The following KLHL38 variants were observed in gnomAD, a reference collection of about 807,000 sequenced individuals.
KLHL38 encodes the protein kelch-like protein 38.
KLHL38 carries 38 observed loss-of-function variants against 39.6 expected under a neutral mutation model. That is an observed-to-expected ratio of 0.96 (90% CI 0.74 to 1.26). The LOEUF is 1.26. Ranked by LOEUF, KLHL38 falls within the 50% of genes most tolerant of loss-of-function variation. The pLI is 0.00. For synonymous variants in KLHL38, 322 were observed against 302.2 expected (o/e 1.07, Z -0.68); for missense variants, 803 against 748.1 (o/e 1.07, Z -0.86).
In KLHL38 at chr8:123,651,467, T is replaced by A. The variant is rs947955514; in HGVS notation, c.1350+110A>T. The A allele has an allele frequency of 3.2e-5, 35 of 1,107,152 alleles. 2 individuals carry two copies. The highest frequency in any genetic ancestry group is 2.9e-4 in the Admixed American group (12 of 40,902). The allele number at this position is 1,107,152 out of a possible 1,614,324, so 68.6% of individuals were successfully genotyped here. A position where few individuals can be genotyped will look rare whatever the true frequency, so the allele number is the denominator to read the frequency against. ...GCATATATATATTTATGTGCATATA[T>A]GTGTTTTTTGGTGTGTATGTATACA... is the stretch of plus-strand genomic sequence containing the variant. On this transcript the variant is annotated intron_variant, in intron 2 of 3. Transcript: ENST00000684634.
In KLHL38 at chr8:123,645,529, G is replaced by C; in HGVS notation, c.*210C>G. 1.7e-6 allele frequency: 1 copy of C among 587,818 alleles called. No homozygotes were observed. Among genetic ancestry groups the C allele is most frequent in the Non-Finnish European group, 3.0e-6 (1 of 331,204 alleles). 36.4% of individuals were successfully genotyped at this position (587,818 alleles called of 1,614,324 possible). On this transcript the variant is annotated 3_prime_UTR_variant, in exon 4 of 4. Coordinates refer to ENST00000684634, the MANE Select transcript of KLHL38 (RefSeq NM_001081675.3). ...GAAAGAAGGGGGAAAGACAGAGACA[G>C]ATGGAGGTGGGGGAGAGAGATAAGG...
Position 123,652,445 on chromosome 8 carries a change from G to A in KLHL38, c.482C>T (p.Thr161Met), listed in dbSNP as rs780056200. ...CGATGCGGCCACCTCTGGGAAGGAC[G>A]TCAGTGCCACCTCCCTGGCTTTCTT... ...LKKKAREVAL[T>M]SFPEVAASAD... is the part of the protein sequence containing the mutation. Residue 161 changes from threonine (T) to methionine (M), a missense_variant, in exon 2 of 4, where the codon ACG becomes ATG. Physicochemically the swap from Thr to Met is moderately conservative, Grantham distance 81. Coordinates refer to ENST00000684634, the MANE Select transcript of KLHL38 (RefSeq NM_001081675.3). 1.4e-5 allele frequency: 23 copies of A among 1,614,028 alleles called. No homozygotes were observed. Among genetic ancestry groups the A allele is most frequent in the Non-Finnish European group, 1.7e-5 (20 of 1,180,046 alleles).
rs1459870534 is a variant in KLHL38, at chr8:123,653,642, G to A, written c.-58C>T. On this transcript the variant is annotated 5_prime_UTR_variant, in exon 1 of 4. Transcript: ENST00000684634. ...CTGGTCTGACTTATCCCCCCGGAGA[G>A]TTTCTACCTCTAGCTCCAAGGGAAA... is the stretch of plus-strand genomic sequence containing the variant. Among the ~76,000 whole-genome samples, 3 of 152,216 alleles carry A rather than the reference G, an allele frequency of 2.0e-5. No homozygotes were observed. The highest frequency in any genetic ancestry group is 4.1e-4 in the South Asian group (2 of 4,834).
chr8:123,649,690 C>T (rs977758847), intron 2 of KLHL38, among the ~76,000 whole-genome samples: 1 of 152,166 alleles, frequency 6.6e-6, no homozygotes, highest in African/African-American at 2.4e-5. Flanking sequence ...ATATCCATCC[C>T]TCAAGAAGGT....
chr8:123,650,184 G>A (rs570284107), intron 2 of KLHL38, among the ~76,000 whole-genome samples: 3 of 151,822 alleles, frequency 2.0e-5, no homozygotes, highest in South Asian at 2.1e-4. Flanking sequence ...CTTAACCCTG[G>A]CACTCTCTCT....
At position 123,652,628 on chromosome 8, in the gene KLHL38, G is replaced by C; in HGVS notation, c.299C>G (p.Ala100Gly). The C allele has an allele frequency of 6.2e-7, 1 of 1,614,212 alleles. No homozygotes were observed. The highest frequency in any genetic ancestry group is 8.5e-7 in the Non-Finnish European group (1 of 1,180,030). Residue 100 changes from alanine (A) to glycine (G), a missense_variant, in exon 2 of 4, where the codon GCC becomes GGC. Ala to Gly is a moderately conservative substitution (Grantham distance 60). Transcript: ENST00000684634. ...SYVYTGEAHI[A>G]TDNVLPVMEA... Reference sequence around the variant, plus strand: ...CATCACGGGGAGGACATTGTCAGTGGCAATATGTGCCTCCCCCGTATACAC... The same window carrying C: ...CATCACGGGGAGGACATTGTCAGTGCCAATATGTGCCTCCCCCGTATACAC...
rs765090496 is a variant in KLHL38 at position 123,652,662 on chromosome 8, C to T, written c.265G>A (p.Val89Ile). 35 of 1,614,194 alleles carry T rather than the reference C, an allele frequency of 2.2e-5. 2 individuals carry two copies. The highest frequency in any genetic ancestry group is 7.7e-5 in the South Asian group (7 of 91,086). ...GCCTCCCCCGTATACACGTAGGAGA[C>T]GATCTGGTCCAGGGTTGGGGGGTCA... ...GIDPPTLDQIVSYVYTGEAHI... is the reference protein window; with the variant it reads ...GIDPPTLDQIISYVYTGEAHI... Residue 89 changes from valine to isoleucine, a missense_variant, in exon 2 of 4, where the codon GTC (valine) becomes ATC (isoleucine). Transcript: ENST00000684634.
In KLHL38 at chr8:123,645,300, G is replaced by C. The variant is rs1818640823; in HGVS notation, c.*439C>G. 6.6e-6 allele frequency among the ~76,000 whole-genome samples: 1 copy of C among 152,122 alleles called. No individual in the cohort carries two copies. Among genetic ancestry groups the C allele is most frequent in the Non-Finnish European group, 1.5e-5 (1 of 68,030 alleles). On this transcript the variant is annotated 3_prime_UTR_variant, in exon 4 of 4. Transcript: ENST00000684634. ...TAAAACGCAAAAATTAGCTGGACTT[G>C]GTGGCACATGCCTATAATCCCAGCT...
rs200544251 is a variant in KLHL38, at chr8:123,645,748, G to C, written c.1737C>G (p.Gly579=). 6 of 1,613,112 alleles carry C rather than the reference G, an allele frequency of 3.7e-6. No individual in the cohort carries two copies. In the Admixed American group the frequency reaches 5.0e-5, roughly 13 times the overall value. ...AGGTTTCTTGTCGACCTCATGGGAG[G>C]CCAGACGTGCGGGGTATGCACTGGA... ...LTLQCIPRTS[G]LP The change falls in exon 4 of 4, where the codon GGC becomes GGG. Residue 579 remains glycine (G), a synonymous_variant. Coordinates refer to ENST00000684634, the MANE Select transcript of KLHL38 (RefSeq NM_001081675.3).
chr8:123,645,479 G>GAGAGAGAGAA lies in KLHL38; in HGVS notation c.*259_*260insTTCTCTCTCT. On this transcript the variant is annotated 3_prime_UTR_variant, in exon 4 of 4. Coordinates refer to ENST00000684634, the MANE Select transcript of KLHL38 (RefSeq NM_001081675.3). ...AGAGAGAGAGAGAGAGAGAGAGAGAGACAGACAGAGATAGGGGAGAGAAAG... is the reference window on the plus strand; with the variant it reads ...AGAGAGAGAGAGAGAGAGAGAGAGAGAGAGAGAGAAACAGACAGAGATAGGGGAGAGAAAG... The GAGAGAGAGAA allele has an allele frequency of 2.0e-6, 1 of 506,360 alleles. No homozygotes were observed. Among genetic ancestry groups the GAGAGAGAGAA allele is most frequent in the South Asian group, 3.0e-5 (1 of 33,342 alleles). The allele number at this position is 506,360 out of a possible 1,614,324, so 31.4% of individuals were successfully genotyped here. A position where few individuals can be genotyped will look rare whatever the true frequency, so the allele number is the denominator to read the frequency against.
intron 1 of KLHL38, 95 bp from the exon 2 acceptor site, chr8:123,653,022 A>T: frequency 8.1e-7 from 1 of 1,237,072 alleles, no homozygotes; most frequent in Non-Finnish European, 1.1e-6. Context: ...CTCCAAGACC[A>T]GTGCTCCTAT....
Position 123,652,412 on chromosome 8 carries a change from A to T in KLHL38, c.515T>A (p.Leu172Gln), listed in dbSNP as rs200968733. ...CAACTCCAAGGCACAGAGCTCCTTC[A>T]GGTCGGCCGATGCGGCCACCTCTGG... Reference protein sequence around the residue: ...SFPEVAASADLKELCALELRD... With the variant: ...SFPEVAASADQKELCALELRD... Residue 172 changes from leucine to glutamine, a missense_variant, in exon 2 of 4, where the codon CTG (leucine) becomes CAG (glutamine). By Grantham distance (113) the Leu-to-Gln change is moderately radical (BLOSUM62 -2). Coordinates refer to ENST00000684634, the MANE Select transcript of KLHL38 (RefSeq NM_001081675.3). The T allele has an allele frequency of 6.2e-7, 1 of 1,614,094 alleles. No homozygotes were observed.
At chr8:123,653,164 A>G (rs148400114) in intron 1 of KLHL38, among the ~76,000 whole-genome samples, 11 of 152,384 alleles carry the variant, frequency 7.2e-5, no homozygotes, top group Non-Finnish European at 1.3e-4. Context: ...GGCAAATAGT[A>G]TCTTCAGCTA....
chr8:123,645,986 T>C lies in KLHL38; in HGVS notation c.1499A>G (p.Lys500Arg), dbSNP rs767482200. 3 of 1,614,112 alleles carry C rather than the reference T, an allele frequency of 1.9e-6. No individual in the cohort carries two copies. The South Asian group carries it at 3.3e-5, about 18-fold the overall frequency. The change falls in exon 4 of 4, where the codon AAA becomes AGA. Residue 500 changes from lysine (K) to arginine (R), a missense_variant. By Grantham distance (26) the Lys-to-Arg change is conservative. Coordinates refer to ENST00000684634, the MANE Select transcript of KLHL38 (RefSeq NM_001081675.3). ...TTTCATGTCCGCACATTTGACAAAT[T>C]TGTTGGATTGAGGGTCATAAGCAAG... ...RILAYDPQSN[K>R]FVKCADMKDR...
chr8:123,648,746 G>A (rs1563592345), intron 2 of KLHL38, among the ~76,000 whole-genome samples: 1 of 152,158 alleles, frequency 6.6e-6, no homozygotes, highest in Non-Finnish European at 1.5e-5. Context: ...CCAGAAACAG[G>A]TAGAGAGAAG....
In KLHL38 at chr8:123,652,756, G is replaced by C; in HGVS notation, c.171C>G (p.Pro57=). 2 of 1,614,200 alleles carry C rather than the reference G, an allele frequency of 1.2e-6. No individual in the cohort carries two copies. The highest frequency in any genetic ancestry group is 1.7e-6 in the Non-Finnish European group (2 of 1,180,026). The part of the protein sequence containing the change: ...CHRNVLASSS[P]YFRAMFCSSF... The stretch of plus-strand genomic sequence containing the variant: ...TGCTGCAGAACATAGCCCTGAAGTA[G>C]GGGCTGCTGGAGGCCAGCACGTTGC... Residue 57 remains proline, a synonymous_variant, in exon 2 of 4, where the codon CCC becomes CCG. Coordinates refer to ENST00000684634, the MANE Select transcript of KLHL38 (RefSeq NM_001081675.3).
At chr8:123,647,431 G>A (rs1587051525) in intron 2 of KLHL38, among the ~76,000 whole-genome samples, 1 of 152,304 alleles carries the variant, frequency 6.6e-6, no homozygotes. Flanking sequence ...GAAGGTCATA[G>A]AGCCAAGAAT....
At chr8:123,653,086 TG>T (rs1405886310) in intron 1 of KLHL38, 159 bp from the exon 2 acceptor site, 2 of 758,002 alleles carry the variant, frequency 2.6e-6, no homozygotes, top group African/African-American at 3.5e-5. Flanking sequence ...TAGGGAAGAT[TG>T]GAAAGGAAGG....
In KLHL38 at chr8:123,646,037, C is replaced by A. The variant is rs766677487; in HGVS notation, c.1457-9G>T. 10 of 1,612,936 alleles carry A rather than the reference C, an allele frequency of 6.2e-6. No individual in the cohort carries two copies. The highest frequency in any genetic ancestry group is 8.5e-6 in the Non-Finnish European group (10 of 1,179,084). ...AATCCTCCTTGTGTAACCTGAAAACCAAATGACACATGGGCAAGCTCAGTG... is the reference window on the plus strand; with the variant it reads ...AATCCTCCTTGTGTAACCTGAAAACAAAATGACACATGGGCAAGCTCAGTG... On this transcript the variant is annotated splice_polypyrimidine_tract_variant and intron_variant, in intron 3 of 3. Coordinates refer to ENST00000684634, the MANE Select transcript of KLHL38 (RefSeq NM_001081675.3).
Sources: gnomAD v4.1 joint callset for allele counts (sites outside exome capture counted in the v4.1 genomes callset) on GRCh38, gnomAD v4.1.1 for gene constraint, MANE v1.5 for transcripts, NCBI Gene and HGNC (gene_info 2026-07-23, HGNC 2026-07-21) for gene names.